The following CLPX variants were observed in gnomAD, a reference collection of about 807,000 sequenced individuals.
The protein encoded by CLPX is ATP-dependent clpX-like chaperone, mitochondrial.
In CLPX, 34 loss-of-function variants were observed where a neutral mutation model predicts 76.4. That is an observed-to-expected ratio of 0.45 (90% CI 0.34 to 0.59). CLPX has a LOEUF of 0.59. Ranked by LOEUF, CLPX falls within the 20% of genes least tolerant of loss-of-function variation. The pLI is 0.01. For missense variants in CLPX, 613 were observed against 757.0 expected (o/e 0.81, Z 2.23); for synonymous variants, 248 against 270.9 (o/e 0.92, Z 0.83).
chr15:65,160,208 A>C (rs1381378714), intron 6 of CLPX, among the ~76,000 whole-genome samples: 1 of 152,216 alleles, frequency 6.6e-6, no homozygotes, highest in Non-Finnish European at 1.5e-5. Flanking sequence ...AGACATATCT[A>C]TTATCATAGT....
chr15:65,171,583 AAC>A (rs1390627832), intron 3 of CLPX, among the ~76,000 whole-genome samples: 5 of 152,250 alleles, frequency 3.3e-5, no homozygotes, highest in African/African-American at 7.2e-5. Context: ...ATCTGTGACT[AAC>A]ACAAGCCTAA....
intron 2 of CLPX, 35 bp downstream of exon 2, chr15:65,180,009 A>C: frequency 6.7e-7 from 1 of 1,489,964 alleles, no homozygotes; most frequent in South Asian, 1.4e-5. Flanking sequence ...GGGAACTCAC[A>C]ATGTGTACAG....
At position 65,149,372 on chromosome 15, in the gene CLPX, G is replaced by C. The variant is rs1165729318; in HGVS notation, c.*1451C>G. The stretch of plus-strand genomic sequence containing the variant: ...CGCCTGTAGTCCCAGCTACTCAGGA[G>C]GCTGAGGCATGAGTATCGCTTGAAC... On this transcript the variant is annotated 3_prime_UTR_variant, in exon 14 of 14. Transcript: ENST00000300107. 2 of 231,330 alleles carry C rather than the reference G, an allele frequency of 8.6e-6. No homozygotes were observed. The highest frequency in any genetic ancestry group is 4.7e-5 in the African/African-American group (2 of 42,836). 14.3% of individuals were successfully genotyped at this position (231,330 alleles called of 1,614,324 possible).
At chr15:65,162,504 G>A in intron 6 of CLPX, 100 bp downstream of exon 6, 3 of 731,656 alleles carry the variant, frequency 4.1e-6, no homozygotes, top group South Asian at 3.4e-5. Flanking sequence ...TAATACACAA[G>A]CAAATACATA....
Position 65,155,012 on chromosome 15 carries a change from T to C in CLPX, c.1381A>G (p.Asn461Asp), listed in dbSNP as rs1221868052. ...RRAAAAADLA[N>D]RSGESNTHQD... ...TGAGTATTCGATTCCCCACTTCGAT[T>C]AGCAAGGTCTGCAGCAGCTGCAGCC... The change falls in exon 11 of 14, where the codon AAT (asparagine) becomes GAT (aspartate). Residue 461 changes from asparagine (N) to aspartate (D), a missense_variant. Asn to Asp is a conservative substitution (Grantham distance 23). Around this residue, in one of 2 missense-constraint regions of CLPX, gnomAD observed 450 missense variants for 638.6 expected, o/e 0.70. Transcript: ENST00000300107. The C allele has an allele frequency of 1.9e-5, 31 of 1,614,064 alleles. No homozygotes were observed. The highest frequency in any genetic ancestry group is 2.5e-5 in the Non-Finnish European group (30 of 1,180,030).
At chr15:65,152,055 G>A (rs780566624) in intron 13 of CLPX, among the ~76,000 whole-genome samples, 18 of 151,942 alleles carry the variant, frequency 1.2e-4, no homozygotes, top group Middle Eastern at 3.2e-3. Flanking sequence ...TCAGCCTCCC[G>A]AGTAGCTGGG....
intron 1 of CLPX, among the ~76,000 whole-genome samples, chr15:65,181,914 G>A (rs1297170287): frequency 6.6e-6 from 1 of 151,732 alleles, no homozygotes; most frequent in Non-Finnish European, 1.5e-5. Flanking sequence ...ATAAGGTCAG[G>A]AGATCGAGAC....
At chr15:65,175,648 T>C (rs944374392) in intron 3 of CLPX, among the ~76,000 whole-genome samples, 5 of 152,144 alleles carry the variant, frequency 3.3e-5, no homozygotes, top group Non-Finnish European at 7.4e-5. Flanking sequence ...CTACATGAAA[T>C]CTGAAATCTG....
In CLPX at chr15:65,177,612, T is replaced by C. The variant is rs181267490; in HGVS notation, c.358+1322A>G. On this transcript the variant is annotated intron_variant, in intron 3 of 13. Transcript: ENST00000300107. ...ATCAGACACTGAAGTCTTACAATCT[T>C]GAAGCTTTCTTCAATTGGATTGTAT... 2.1e-3 allele frequency among the ~76,000 whole-genome samples: 314 copies of C among 152,320 alleles called. 1 individual carries two copies. The highest frequency in any genetic ancestry group is 6.6e-3 in the African/African-American group (276 of 41,562).
At chr15:65,169,621 CAGG>C (rs1410831869) in intron 3 of CLPX, among the ~76,000 whole-genome samples, 2 of 152,090 alleles carry the variant, frequency 1.3e-5, no homozygotes, top group East Asian at 3.9e-4. Flanking sequence ...CAGGCTGAGG[CAGG>C]AGAACTGCTT....
Position 65,185,340 on chromosome 15 carries a change from A to G in CLPX, c.-187T>C. ...TGCCCCACAGCCGTCTATTCACCAG[A>G]GTAGACACCCAACCCCCCCCTCCCT... On this transcript the variant is annotated 5_prime_UTR_variant, in exon 1 of 14. Coordinates refer to ENST00000300107, the MANE Select transcript of CLPX (RefSeq NM_006660.5). 1 of 546,524 alleles carries G rather than the reference A, an allele frequency of 1.8e-6. No individual in the cohort carries two copies. The highest frequency in any genetic ancestry group is 3.2e-6 in the Non-Finnish European group (1 of 309,212). The allele number at this position is 546,524 out of a possible 1,614,324, so 33.9% of individuals were successfully genotyped here. A position where few individuals can be genotyped will look rare whatever the true frequency, so the allele number is the denominator to read the frequency against.
intron 3 of CLPX, among the ~76,000 whole-genome samples, chr15:65,168,942 G>A (rs989884150): frequency 1.4e-5 from 2 of 148,020 alleles, no homozygotes; most frequent in African/African-American, 5.0e-5. Flanking sequence ...CTGCAGTCTT[G>A]ACCTCCTAAG....
chr15:65,162,688 G>A, intron 5 of CLPX, 43 bp from the exon 6 acceptor site: 4 of 1,203,650 alleles, frequency 3.3e-6, no homozygotes, highest in African/African-American at 1.5e-5. Flanking sequence ...TTTACCTTGG[G>A]GGAACAAACA....
intron 3 of CLPX, among the ~76,000 whole-genome samples, chr15:65,171,180 C>T (rs372972052): frequency 1.6e-4 from 24 of 152,192 alleles, no homozygotes; most frequent in African/African-American, 5.8e-4. Context: ...GCCAAGGTGG[C>T]TAACGCCTGT....
intron 3 of CLPX, among the ~76,000 whole-genome samples, chr15:65,176,618 G>A (rs184085329): frequency 3.5e-5 from 5 of 144,510 alleles, no homozygotes; most frequent in East Asian, 2.0e-4. Context: ...TTTTGGAGAC[G>A]GAGTTTCACT....
intron 8 of CLPX, 65 bp downstream of exon 8, chr15:65,157,681 T>G: frequency 7.2e-7 from 1 of 1,382,164 alleles, no homozygotes; most frequent in East Asian, 2.5e-5. Flanking sequence ...AATTATATTG[T>G]CTCTTAATAT....
chr15:65,185,036 C>A (rs527282640), intron 1 of CLPX, 39 bp downstream of exon 1: 2 of 1,510,860 alleles, frequency 1.3e-6, no homozygotes, highest in Admixed American at 2.0e-5. Context: ...ACCCCCCCCC[C>A]GACAGGCTGA....
intron 2 of CLPX, among the ~76,000 whole-genome samples, chr15:65,179,724 C>A (rs949267381): frequency 3.9e-5 from 6 of 152,156 alleles, no homozygotes; most frequent in Non-Finnish European, 7.4e-5. Flanking sequence ...GAGGTTTATA[C>A]TGCCATGGGT....
chr15:65,153,473 A>T, intron 12 of CLPX, 74 bp downstream of exon 12: 1 of 933,150 alleles, frequency 1.1e-6, no homozygotes, highest in South Asian at 1.5e-5. Flanking sequence ...TTTCCAAAAG[A>T]AAAACAGGGA....
Sources: allele counts gnomAD v4.1 joint callset (sites outside exome capture counted in the v4.1 genomes callset), GRCh38; gene constraint gnomAD v4.1.1; regional missense constraint gnomAD v4.1.1; transcripts MANE v1.5; gene names NCBI Gene and HGNC (gene_info 2026-07-23, HGNC 2026-07-21).